ACOT7: variants seen among roughly 807,000 people sequenced by gnomAD.
The protein encoded by ACOT7 is cytosolic acyl coenzyme A thioester hydrolase.
Under a neutral mutation model 40.2 loss-of-function variants are expected in ACOT7, and 12 were observed. That is an observed-to-expected ratio of 0.30 (90% confidence interval 0.19 to 0.48). The LOEUF is 0.48. Among genes scored for constraint, ACOT7 ranks in the 20% least tolerant of loss-of-function variants. The probability of loss-of-function intolerance (pLI) is 0.99; values close to 1 mark genes in which losing one functional copy is unlikely to be tolerated. For missense variants in ACOT7, 395 were observed against 530.8 expected, an observed-to-expected ratio of 0.74 and a Z score of 2.51; for synonymous variants, 228 against 219.5, an observed-to-expected ratio of 1.04 and a Z score of -0.34.
rs1177302716 is a variant in ACOT7, at chr1:6,282,075, T to C, written c.830-789A>G. ...CATGTCCCTCTCTCCCCCTCAACCC[T>C]AACCAACCTCTCTGTACGCCCCACG... On this transcript the variant is annotated intron_variant, in intron 7 of 8. Coordinates refer to ENST00000361521, the MANE Select transcript of ACOT7 (RefSeq NM_007274.4). The surrounding 1 kb of genome is among the most constrained non-coding windows in gnomAD (Gnocchi z 4.5). Among the ~76,000 whole-genome samples, 2 of 152,000 alleles carry C rather than the reference T, an allele frequency of 1.3e-5. No homozygotes were observed. Among genetic ancestry groups the C allele is most frequent in the Admixed American group, 1.3e-4 (2 of 15,258 alleles).
At chr1:6,327,465 C>G (rs772158307) in intron 4 of ACOT7, 52 bp from the exon 5 acceptor site, 4 of 1,566,118 alleles carry the variant, frequency 2.6e-6, no homozygotes, top group Non-Finnish European at 3.5e-6. Context: ...GCCTCCTCCC[C>G]TCGCTGGGCG....
Position 6,282,437 on chromosome 1 carries a change from G to A in ACOT7, c.830-1151C>T, listed in dbSNP as rs1280965043. ...ATGCCCTCCCAGGCGGCCCAGCGTG[G>A]CCTCTATTCTGGGCCAGGCTCAAGG... On this transcript the variant is annotated intron_variant, in intron 7 of 8. Coordinates refer to ENST00000361521, the MANE Select transcript of ACOT7 (RefSeq NM_007274.4). The surrounding 1 kb of genome is among the most constrained non-coding windows in gnomAD (Gnocchi z 4.5). Among the ~76,000 whole-genome samples, 1 of 152,148 alleles carries A rather than the reference G, an allele frequency of 6.6e-6. No individual in the cohort carries two copies. Among genetic ancestry groups the A allele is most frequent in the Non-Finnish European group, 1.5e-5 (1 of 68,024 alleles).
chr1:6,393,156 G>C (rs1332320047), intron 1 of ACOT7, 101 bp downstream of exon 1: 7 of 1,160,630 alleles, frequency 6.0e-6, no homozygotes, highest in African/African-American at 1.6e-5. Flanking sequence ...GGCGGGCGGG[G>C]GCGGCCTCGG....
rs533947268 is a variant in ACOT7 at position 6,290,504 on chromosome 1, C to T, written c.829+4360G>A. Reference sequence around the variant, plus strand: ...CCCTGCTGTGCCCTCAGGCTCCAACCGCCTGGATGTGCCCAGTCTACCTGC... The same window carrying T: ...CCCTGCTGTGCCCTCAGGCTCCAACTGCCTGGATGTGCCCAGTCTACCTGC... On this transcript the variant is annotated intron_variant, in intron 7 of 8. Coordinates refer to ENST00000361521, the MANE Select transcript of ACOT7 (RefSeq NM_007274.4). Among the ~76,000 whole-genome samples, 24 of 152,294 alleles carry T rather than the reference C, an allele frequency of 1.6e-4. 1 individual carries two copies. Among genetic ancestry groups the T allele is most frequent in the Admixed American group, 3.3e-4 (5 of 15,310 alleles).
rs757859106 is a variant in ACOT7, at chr1:6,264,625, C to A, written c.1085G>T (p.Arg362Leu). ...KGRYLQMKAK[R>L]QGHAEPQP ...GGGCTGAGGCTCCGCGTGGCCCTGT[C>A]GCTTCGCCTTCATCTGCAGGTACCG... Residue 362 changes from arginine to leucine, a missense_variant, in exon 9 of 9, where the codon CGA becomes CTA. Physicochemically the swap from Arg to Leu is moderately radical, Grantham distance 102. Coordinates refer to ENST00000361521, the MANE Select transcript of ACOT7 (RefSeq NM_007274.4). 8 of 1,613,168 alleles carry A rather than the reference C, an allele frequency of 5.0e-6. No individual in the cohort carries two copies. Among genetic ancestry groups the A allele is most frequent in the Non-Finnish European group, 5.9e-6 (7 of 1,179,932 alleles).
chr1:6,274,453 C>T lies in ACOT7; in HGVS notation c.1014+6649G>A, dbSNP rs1331137262. 6.6e-6 allele frequency among the ~76,000 whole-genome samples: 1 copy of T among 152,238 alleles called. No individual in the cohort carries two copies. Among genetic ancestry groups the T allele is most frequent in the East Asian group, 1.9e-4 (1 of 5,190 alleles). ...GCTGAACAGCAGGTCAAACAGTGCCCTCCTTCCGGACGCTCCAGCCCATGC... is the reference window on the plus strand; with the variant it reads ...GCTGAACAGCAGGTCAAACAGTGCCTTCCTTCCGGACGCTCCAGCCCATGC... On this transcript the variant is annotated intron_variant, in intron 8 of 8. Coordinates refer to ENST00000361521, the MANE Select transcript of ACOT7 (RefSeq NM_007274.4). This position sits in a 1 kb window ranked among gnomAD's most constrained non-coding sequence, Gnocchi z 5.9.
chr1:6,280,071 G>C, intron 8 of ACOT7, among the ~76,000 whole-genome samples: 1 of 152,340 alleles, frequency 6.6e-6, no homozygotes, highest in East Asian at 1.9e-4. Flanking sequence ...CAGGGGCCTC[G>C]AGAACCTCTG....
chr1:6,365,374 A>G (rs1255706610), intron 1 of ACOT7, among the ~76,000 whole-genome samples: 1 of 152,192 alleles, frequency 6.6e-6, no homozygotes, highest in Admixed American at 6.6e-5. Context: ...AATAAGTCAC[A>G]TGATTTTTTT....
intron 1 of ACOT7, among the ~76,000 whole-genome samples, chr1:6,388,537 G>A (rs1328584696): frequency 6.7e-6 from 1 of 149,400 alleles, no homozygotes; most frequent in African/African-American, 2.5e-5. Flanking sequence ...TCAGGAGTTC[G>A]AGACCAGCCT....
At chr1:6,337,920 G>A (rs556317632) in intron 3 of ACOT7, among the ~76,000 whole-genome samples, 5 of 145,716 alleles carry the variant, frequency 3.4e-5, no homozygotes, top group African/African-American at 5.1e-5. Context: ...AGAATAGCTC[G>A]AACCTGGGAG....
chr1:6,314,818 G>A (rs867357779), intron 6 of ACOT7, among the ~76,000 whole-genome samples: 7 of 149,964 alleles, frequency 4.7e-5, no homozygotes, highest in East Asian at 2.0e-4. Flanking sequence ...CACCCTCCAC[G>A]AGCCATTCAA....
chr1:6,362,651 C>T (rs1282764590), intron 1 of ACOT7, among the ~76,000 whole-genome samples: 1 of 152,156 alleles, frequency 6.6e-6, no homozygotes, highest in Non-Finnish European at 1.5e-5. Flanking sequence ...GGCCACATCC[C>T]TCTCCCCAAC....
intron 7 of ACOT7, among the ~76,000 whole-genome samples, chr1:6,284,921 G>A (rs1639461559): frequency 6.6e-6 from 1 of 152,198 alleles, no homozygotes; most frequent in African/African-American, 2.4e-5. Flanking sequence ...CTGAACCTCG[G>A]CTCAAGCATC....
At chr1:6,353,976 G>A (rs1212779125) in intron 1 of ACOT7, among the ~76,000 whole-genome samples, 1 of 152,174 alleles carries the variant, frequency 6.6e-6, no homozygotes, top group East Asian at 1.9e-4. Flanking sequence ...GGCAGCCAGT[G>A]ACCCGGGCTG....
chr1:6,373,374 C>T (rs1642169316), intron 1 of ACOT7, among the ~76,000 whole-genome samples: 2 of 152,112 alleles, frequency 1.3e-5, no homozygotes, highest in Non-Finnish European at 2.9e-5. Flanking sequence ...CCTCAGCTTC[C>T]CATGTAGCTG....
At chr1:6,392,557 C>T (rs1571361637) in intron 1 of ACOT7, among the ~76,000 whole-genome samples, 1 of 152,182 alleles carries the variant, frequency 6.6e-6, no homozygotes, top group Admixed American at 6.5e-5. Flanking sequence ...AGAGGGGGTG[C>T]TCTAGAAGGA....
rs1041545832 is a variant in ACOT7, at chr1:6,264,385, C to T, written c.*212G>A. ...ACGCCTCCCGGCGCTCGGGACAACA[C>T]TGTGTAGCATTGATACTGGAATGAT... On this transcript the variant is annotated 3_prime_UTR_variant, in exon 9 of 9. Transcript: ENST00000361521. 2.3e-5 allele frequency: 13 copies of T among 571,422 alleles called. No homozygotes were observed. The Admixed American group carries it at 3.8e-4, about 17-fold the overall frequency. 35.4% of individuals were successfully genotyped at this position (571,422 alleles called of 1,614,324 possible).
chr1:6,340,447 T>C (rs186262948), intron 2 of ACOT7, among the ~76,000 whole-genome samples: 1 of 152,314 alleles, frequency 6.6e-6, no homozygotes, highest in Admixed American at 6.5e-5. Context: ...AACAAATGCA[T>C]ACATACCCAT....
At chr1:6,315,006 T>C (rs900528388) in intron 6 of ACOT7, among the ~76,000 whole-genome samples, 3 of 152,060 alleles carry the variant, frequency 2.0e-5, no homozygotes, top group African/African-American at 7.2e-5. Context: ...ACTATTCCCC[T>C]AACTAAAGAC....
Sources: gnomAD v4.1 joint callset for allele counts (sites outside exome capture counted in the v4.1 genomes callset) on GRCh38, gnomAD v4.1.1 for gene constraint, Gnocchi (gnomAD v3.1) non-coding constraint, MANE v1.5 for transcripts, NCBI Gene and HGNC (gene_info 2026-07-23, HGNC 2026-07-21) for gene names.